Variants in THSD7B observed in about 807,000 individuals in gnomAD.
THSD7B encodes thrombospondin type 1 domain containing 7B, also known as thrombospondin type-1 domain-containing protein 7B.
A neutral mutation model predicts 213.6 loss-of-function variants in THSD7B; 138 were observed. That is an observed-to-expected ratio of 0.65 (90% CI 0.56 to 0.74). The LOEUF (loss-of-function observed/expected upper bound fraction) is 0.74. Among genes scored for constraint, THSD7B ranks in the 30% least tolerant of loss-of-function variants. The pLI, the probability that THSD7B is intolerant of heterozygous loss-of-function variation, is 0.00. For synonymous variants in THSD7B, 742 were observed against 687.0 expected, an observed-to-expected ratio of 1.08 and a Z score of -1.25; for missense variants, 1,931 against 1,991.5, an observed-to-expected ratio of 0.97 and a Z score of 0.58.
intron 1 of THSD7B, among the ~76,000 whole-genome samples, chr2:136,809,132 G>T (rs931783528): frequency 6.6e-6 from 1 of 152,120 alleles, no homozygotes; most frequent in Admixed American, 6.5e-5. Flanking sequence ...ATAATGTAAT[G>T]AACTTTATAA....
intron 2 of THSD7B, among the ~76,000 whole-genome samples, chr2:137,035,825 T>G (rs1037075801): frequency 1.3e-5 from 2 of 152,198 alleles, no homozygotes; most frequent in African/African-American, 4.8e-5. Context: ...ATAACTATAA[T>G]GTTTTATTGT....
chr2:137,164,037 A>G (rs1036885651), intron 6 of THSD7B, among the ~76,000 whole-genome samples: 12 of 152,176 alleles, frequency 7.9e-5, no homozygotes, highest in Admixed American at 6.6e-5. Context: ...CACATTGGTC[A>G]GTGTGAGCCA....
rs866712360 is a variant in THSD7B, at chr2:137,095,049, G to A, written c.1127G>A (p.Gly376Glu). ...RNVKHMAIGG[G>E]KECPELLEKE... ...GTGAAGCACATGGCTATTGGAGGTG[G>A]AAAGGAGTGTCCTGAACTTCTTGAG... Residue 376 changes from glycine to glutamate, a missense_variant, in exon 4 of 28, where the codon GGA (glycine) becomes GAA (glutamate). Transcript: ENST00000409968. 6.2e-7 allele frequency: 1 copy of A among 1,613,882 alleles called. No homozygotes were observed. The highest frequency in any genetic ancestry group is 1.1e-5 in the South Asian group (1 of 91,080).
intron 12 of THSD7B, among the ~76,000 whole-genome samples, chr2:137,374,988 G>C (rs533297767): frequency 1.3e-5 from 2 of 152,288 alleles, no homozygotes; most frequent in Non-Finnish European, 2.9e-5. Context: ...GGAACTCTTT[G>C]GTTGAGACAC....
intron 15 of THSD7B, among the ~76,000 whole-genome samples, chr2:137,475,073 G>A (rs1688166761): frequency 6.6e-6 from 1 of 152,152 alleles, no homozygotes. Flanking sequence ...CTTGATTGAT[G>A]TAATTTACTT....
intron 9 of THSD7B, among the ~76,000 whole-genome samples, chr2:137,236,610 A>G (rs1681768983): frequency 6.6e-6 from 1 of 152,208 alleles, no homozygotes; most frequent in Non-Finnish European, 1.5e-5. Flanking sequence ...TCTGCTTTTA[A>G]TGTGAAAACA....
At chr2:137,198,586 G>C (rs1558955330) in intron 7 of THSD7B, among the ~76,000 whole-genome samples, 2 of 152,066 alleles carry the variant, frequency 1.3e-5, no homozygotes, top group Non-Finnish European at 2.9e-5. Context: ...TCTGAATAAT[G>C]ACCAGAACAT....
chr2:136,936,279 A>G (rs1007471249), intron 2 of THSD7B, among the ~76,000 whole-genome samples: 11 of 152,132 alleles, frequency 7.2e-5, no homozygotes, highest in South Asian at 2.1e-4. Flanking sequence ...TTAAAGAACT[A>G]AAAGTAGAAC....
chr2:137,661,977 A>G (rs562873439), intron 25 of THSD7B, among the ~76,000 whole-genome samples: 56 of 152,124 alleles, frequency 3.7e-4, no homozygotes, highest in African/African-American at 1.3e-3. Flanking sequence ...TTTGCCTCTT[A>G]GTGAGCACGG....
chr2:136,965,287 C>T (rs1685295407), intron 2 of THSD7B, among the ~76,000 whole-genome samples: 1 of 152,164 alleles, frequency 6.6e-6, no homozygotes, highest in Non-Finnish European at 1.5e-5. Context: ...ACTAATTTGC[C>T]TCTCTTATGG....
At chr2:137,613,838 G>A (rs568758952) in intron 17 of THSD7B, among the ~76,000 whole-genome samples, 25 of 152,122 alleles carry the variant, frequency 1.6e-4, no homozygotes, top group African/African-American at 5.5e-4. Flanking sequence ...CTCTCTTGTG[G>A]ATAATTCATT....
chr2:136,895,514 CTTTTTTTTTTTTTT>C (rs71301798), intron 2 of THSD7B, among the ~76,000 whole-genome samples: 3 of 73,908 alleles, frequency 4.1e-5, no homozygotes, highest in South Asian at 7.3e-4. Context: ...CAAGTGGAGA[CTTTTTTTTTTTTTT>C]TTTTTTTTTT....
chr2:137,614,464 A>G (rs1303343448), intron 17 of THSD7B, among the ~76,000 whole-genome samples: 1 of 152,162 alleles, frequency 6.6e-6, no homozygotes, highest in Non-Finnish European at 1.5e-5. Flanking sequence ...TCAGACATTA[A>G]TTGATTACTT....
At position 136,882,323 on chromosome 2, in the gene THSD7B, A is replaced by T; in HGVS notation, c.139+6A>T. 6.5e-7 allele frequency: 1 copy of T among 1,528,054 alleles called. No individual in the cohort carries two copies. The allele number at this position is 1,528,054 out of a possible 1,614,324, so 94.7% of individuals were successfully genotyped here. ...TCAGTTCATCTGGAAACCAGGTAGG[A>T]ATGTCCTGGCTGTTCCTTTGTCCTA... is the stretch of plus-strand genomic sequence containing the variant. On this transcript the variant is annotated splice_donor_region_variant and intron_variant, in intron 2 of 27. Coordinates refer to ENST00000409968, the MANE Select transcript of THSD7B (RefSeq NM_001316349.2).
intron 10 of THSD7B, among the ~76,000 whole-genome samples, chr2:137,247,599 G>A (rs945180485): frequency 6.6e-6 from 1 of 152,118 alleles, no homozygotes; most frequent in African/African-American, 2.4e-5. Flanking sequence ...GAGGCTGAAG[G>A]AACTCCTTTA....
At chr2:137,151,362 C>A (rs980236401) in intron 5 of THSD7B, among the ~76,000 whole-genome samples, 4 of 151,714 alleles carry the variant, frequency 2.6e-5, no homozygotes, top group Non-Finnish European at 4.4e-5. Context: ...AACTAAGACA[C>A]AAACACACAC....
chr2:137,506,915 C>G (rs1228316580), intron 15 of THSD7B, among the ~76,000 whole-genome samples: 2 of 152,208 alleles, frequency 1.3e-5, no homozygotes, highest in Non-Finnish European at 2.9e-5. Context: ...TTAAACTCTG[C>G]AGACCCACTC....
intron 4 of THSD7B, among the ~76,000 whole-genome samples, chr2:137,103,405 T>C (rs1688185570): frequency 1.3e-5 from 2 of 151,816 alleles, no homozygotes; most frequent in Admixed American, 1.3e-4. Flanking sequence ...GAGACGAAAA[T>C]CCAGTACCAG....
chr2:137,493,053 G>A (rs1211500305), intron 15 of THSD7B, among the ~76,000 whole-genome samples: 2 of 144,564 alleles, frequency 1.4e-5, no homozygotes, highest in South Asian at 2.2e-4. Flanking sequence ...CCTGGGAGGA[G>A]GAGGTTGCAA....
Sources: allele counts gnomAD v4.1 joint callset (sites outside exome capture counted in the v4.1 genomes callset), GRCh38; gene constraint gnomAD v4.1.1; transcripts MANE v1.5; gene names NCBI Gene and HGNC (gene_info 2026-07-23, HGNC 2026-07-21).